HDAC9: variants seen among roughly 807,000 people sequenced by gnomAD.
The protein encoded by HDAC9 is histone deacetylase 9.
A neutral mutation model predicts 139.4 loss-of-function variants in HDAC9; 41 were observed. The ratio of observed to expected loss-of-function variants is 0.29; its 90% CI spans 0.23 to 0.38. The LOEUF (loss-of-function observed/expected upper bound fraction) is 0.38. Among genes scored for constraint, HDAC9 ranks in the 10% least tolerant of loss-of-function variants. HDAC9 has a pLI of 1.00. For synonymous variants in HDAC9, 517 were observed against 476.2 expected (o/e 1.09, Z -1.12); for missense variants, 1,147 against 1,297.0 (o/e 0.88, Z 1.78).
chr7:18,700,083 C>G (rs1293657775), intron 12 of HDAC9, among the ~76,000 whole-genome samples: 1 of 151,962 alleles, frequency 6.6e-6, no homozygotes, highest in Non-Finnish European at 1.5e-5. Context: ...TATAGAGTAA[C>G]AGGCACACTT....
chr7:18,126,440 C>A (rs1412119552), intron 1 of HDAC9, among the ~76,000 whole-genome samples: 2 of 152,128 alleles, frequency 1.3e-5, no homozygotes, highest in Non-Finnish European at 2.9e-5. Context: ...TCCTTTCCTG[C>A]AAATCAAGTG....
chr7:18,976,313 TTC>T (rs2129338267), intron 25 of HDAC9, among the ~76,000 whole-genome samples: 1 of 152,342 alleles, frequency 6.6e-6, no homozygotes, highest in African/African-American at 2.4e-5. Context: ...GATGTTCTTT[TTC>T]TTTCTCTAAT....
At position 18,607,351 on chromosome 7, in the gene HDAC9, T is replaced by C. The variant is rs140995605; in HGVS notation, c.664+13322T>C. Among the ~76,000 whole-genome samples the C allele has an allele frequency of 6.8e-3, 1,030 of 152,334 alleles. 15 individuals are homozygous for C. Among genetic ancestry groups the C allele is most frequent in the Middle Eastern group, 0.054 (16 of 294 alleles). ...AATAATTTCATGGCTTGGCATTAGA[T>C]GAACAAAGCTGAGAATTCTAGCTTG... On this transcript the variant is annotated intron_variant, in intron 6 of 25. Coordinates refer to ENST00000686413, the MANE Select transcript of HDAC9 (RefSeq NM_178425.4).
intron 2 of HDAC9, among the ~76,000 whole-genome samples, chr7:18,264,690 C>T (rs1795892363): frequency 6.6e-6 from 1 of 152,166 alleles, no homozygotes; most frequent in African/African-American, 2.4e-5. Flanking sequence ...CCTGTTAAGA[C>T]ATTCTTGCCT....
At chr7:18,794,447 CAAG>C (rs1792605773) in intron 17 of HDAC9, among the ~76,000 whole-genome samples, 1 of 152,082 alleles carries the variant, frequency 6.6e-6, no homozygotes, top group Non-Finnish European at 1.5e-5. Context: ...AACGTTTGTC[CAAG>C]AAGTCTTTAC....
At chr7:18,641,757 G>A (rs537410776) in intron 8 of HDAC9, among the ~76,000 whole-genome samples, 1 of 152,160 alleles carries the variant, frequency 6.6e-6, no homozygotes, top group African/African-American at 2.4e-5. Flanking sequence ...GCAATGCTAA[G>A]GTGGGATGGT....
chr7:18,142,444 AGAT>A (rs1414443681), intron 1 of HDAC9, among the ~76,000 whole-genome samples: 1 of 152,164 alleles, frequency 6.6e-6, no homozygotes, highest in Non-Finnish European at 1.5e-5. Flanking sequence ...ACACGTTTGA[AGAT>A]GAAATATACT....
intron 23 of HDAC9, among the ~76,000 whole-genome samples, chr7:18,950,324 G>A (rs148206640): frequency 1.5e-4 from 23 of 152,166 alleles, no homozygotes; most frequent in African/African-American, 5.1e-4. Flanking sequence ...CCTTGCCAAT[G>A]CATAGGAGAA....
At chr7:18,988,961 G>T (rs1785622362) in intron 25 of HDAC9, among the ~76,000 whole-genome samples, 1 of 103,098 alleles carries the variant, frequency 9.7e-6, no homozygotes, top group Non-Finnish European at 2.1e-5. Context: ...GTGTGTCTCT[G>T]CACGTGAGAT....
intron 2 of HDAC9, among the ~76,000 whole-genome samples, chr7:18,544,255 C>T (rs1428036636): frequency 6.6e-6 from 1 of 152,086 alleles, no homozygotes; most frequent in Non-Finnish European, 1.5e-5. Flanking sequence ...TGATAAAGAT[C>T]TCATAGGTTT....
At chr7:18,777,495 G>A (rs1295417357) in intron 16 of HDAC9, among the ~76,000 whole-genome samples, 2 of 151,850 alleles carry the variant, frequency 1.3e-5, no homozygotes, top group Admixed American at 1.3e-4. Context: ...TGCATAGAAT[G>A]GACCAAATAA....
intron 13 of HDAC9, among the ~76,000 whole-genome samples, chr7:18,734,750 C>A (rs1355143673): frequency 1.3e-5 from 2 of 152,036 alleles, no homozygotes; most frequent in Non-Finnish European, 2.9e-5. Context: ...GGGTATATAC[C>A]CAGTAATGGG....
intron 12 of HDAC9, among the ~76,000 whole-genome samples, chr7:18,709,744 T>G (rs989211246): frequency 1.4e-4 from 21 of 152,198 alleles, no homozygotes; most frequent in African/African-American, 4.8e-4. Flanking sequence ...ATAAAGCACC[T>G]TTCTTGCCCT....
At chr7:18,711,063 T>C (rs1466711763) in intron 12 of HDAC9, among the ~76,000 whole-genome samples, 4 of 152,218 alleles carry the variant, frequency 2.6e-5, no homozygotes, top group Non-Finnish European at 5.9e-5. Flanking sequence ...CTAGAATATG[T>C]TTAGCAGTGT....
At chr7:18,517,478 C>A (rs1469637982) in intron 2 of HDAC9, among the ~76,000 whole-genome samples, 1 of 152,158 alleles carries the variant, frequency 6.6e-6, no homozygotes, top group African/African-American at 2.4e-5. Context: ...ATTATTTCCT[C>A]CCCTCCATTT....
chr7:18,780,029 T>C (rs1422103206), intron 16 of HDAC9, among the ~76,000 whole-genome samples: 2 of 151,964 alleles, frequency 1.3e-5, no homozygotes, highest in Non-Finnish European at 2.9e-5. Flanking sequence ...CAAAAGCGCT[T>C]TTTCAACTCT....
intron 1 of HDAC9, among the ~76,000 whole-genome samples, chr7:18,141,709 A>T (rs951063324): frequency 3.3e-5 from 5 of 151,704 alleles, no homozygotes; most frequent in East Asian, 1.9e-4. Context: ...ACCTCTTTTC[A>T]TTTCCACATG....
intron 1 of HDAC9, among the ~76,000 whole-genome samples, chr7:18,133,304 A>C (rs547073307): frequency 6.9e-4 from 105 of 152,284 alleles, no homozygotes; most frequent in African/African-American, 2.2e-3. Context: ...CTCATAATAT[A>C]TTTAGAACTG....
chr7:18,402,383 G>A (rs2128735316), intron 1 of HDAC9, among the ~76,000 whole-genome samples: 1 of 152,276 alleles, frequency 6.6e-6, no homozygotes, highest in Admixed American at 6.5e-5. Context: ...GAATCTTTAA[G>A]CCAGAAAAGG....
Sources: gnomAD v4.1 joint callset for allele counts (sites outside exome capture counted in the v4.1 genomes callset) on GRCh38, gnomAD v4.1.1 for gene constraint, MANE v1.5 for transcripts, NCBI Gene and HGNC (gene_info 2026-07-23, HGNC 2026-07-21) for gene names.